HEMK2: variants seen among roughly 807,000 people sequenced by gnomAD.
HEMK2 encodes HemK methyltransferase 2, ETF1 glutamine and histone H4 lysine.
the HEMK2 span, among the ~76,000 whole-genome samples, chr21:28,726,051 T>C: frequency 6.6e-6 from 1 of 152,186 alleles, no homozygotes; most frequent in African/African-American, 2.4e-5. Context: ...TAAAGTCATA[T>C]TTCCATTCCA....
chr21:28,633,137 G>A, the HEMK2 span, among the ~76,000 whole-genome samples: 1 of 152,152 alleles, frequency 6.6e-6, no homozygotes, highest in Non-Finnish European at 1.5e-5. Flanking sequence ...CACTATAGAA[G>A]GAGTACTTGC....
the HEMK2 span, among the ~76,000 whole-genome samples, chr21:28,647,321 TAAAAAAAAAAAA>T: frequency 6.5e-5 from 3 of 46,442 alleles, no homozygotes; most frequent in Admixed American, 3.0e-4. Flanking sequence ...CCATCTCTAC[TAAAAAAAAAAAA>T]AAAAAAAAAA....
the HEMK2 span, among the ~76,000 whole-genome samples, chr21:28,656,679 G>A: frequency 1.3e-5 from 2 of 151,916 alleles, no homozygotes; most frequent in African/African-American, 2.4e-5. Flanking sequence ...TCATTTACAC[G>A]ACCAAAGACA....
chr21:28,613,663 C>T, the HEMK2 span, among the ~76,000 whole-genome samples: 1 of 109,810 alleles, frequency 9.1e-6, no homozygotes, highest in Non-Finnish European at 1.7e-5. Context: ...TAACCAAAAC[C>T]AGGACCTATC....
At chr21:28,578,203 A>T in the HEMK2 span, among the ~76,000 whole-genome samples, 21 of 152,288 alleles carry the variant, frequency 1.4e-4, no homozygotes, top group African/African-American at 5.1e-4. Flanking sequence ...TTACATATAA[A>T]TTTTTTTCTA....
the HEMK2 span, among the ~76,000 whole-genome samples, chr21:28,725,837 T>C: frequency 6.6e-6 from 1 of 152,252 alleles, no homozygotes; most frequent in Non-Finnish European, 1.5e-5. Context: ...TAGGTTGACA[T>C]CTATAGGCTT....
At chr21:28,845,869 T>A in the HEMK2 span, among the ~76,000 whole-genome samples, 1 of 151,732 alleles carries the variant, frequency 6.6e-6, no homozygotes. Context: ...GTCATGGGGG[T>A]TTCATGTATA....
At chr21:28,764,447 C>T in the HEMK2 span, among the ~76,000 whole-genome samples, 1 of 151,988 alleles carries the variant, frequency 6.6e-6, no homozygotes, top group African/African-American at 2.4e-5. Flanking sequence ...AAGAACGCCC[C>T]TTATAATAAA....
chr21:28,666,338 T>G, the HEMK2 span, among the ~76,000 whole-genome samples: 3 of 152,230 alleles, frequency 2.0e-5, no homozygotes, highest in Non-Finnish European at 4.4e-5. Flanking sequence ...CCCTTTGCAG[T>G]ATACATTTAA....
chr21:28,671,633 A>G, the HEMK2 span, among the ~76,000 whole-genome samples: 1 of 152,196 alleles, frequency 6.6e-6, no homozygotes, highest in Non-Finnish European at 1.5e-5. Flanking sequence ...CCTGGTGTTT[A>G]TAACGTGTTT....
At chr21:28,788,047 T>C in the HEMK2 span, among the ~76,000 whole-genome samples, 1 of 151,666 alleles carries the variant, frequency 6.6e-6, no homozygotes, top group African/African-American at 2.4e-5. Context: ...AAGGCCATAG[T>C]CACCAAAATA....
At chr21:28,694,223 T>C in the HEMK2 span, among the ~76,000 whole-genome samples, 110 of 152,330 alleles carry the variant, frequency 7.2e-4, no homozygotes, top group Non-Finnish European at 1.4e-3. Context: ...CTTGTTTCTT[T>C]TAATGGTTAC....
chr21:28,809,102 CATA>C, the HEMK2 span, among the ~76,000 whole-genome samples: 1 of 152,062 alleles, frequency 6.6e-6, no homozygotes, highest in South Asian at 2.1e-4. Flanking sequence ...ACATATTCAT[CATA>C]ATTTCAAATA....
At chr21:28,716,540 C>T in the HEMK2 span, among the ~76,000 whole-genome samples, 1 of 152,150 alleles carries the variant, frequency 6.6e-6, no homozygotes, top group African/African-American at 2.4e-5. Context: ...TTGGCAGAGT[C>T]TTTAGGGCTT....
the HEMK2 span, among the ~76,000 whole-genome samples, chr21:28,587,394 A>C: frequency 6.6e-6 from 1 of 152,164 alleles, no homozygotes; most frequent in African/African-American, 2.4e-5. Context: ...TAATAGATTA[A>C]TTGGTTGGTT....
the HEMK2 span, among the ~76,000 whole-genome samples, chr21:28,674,465 C>T: frequency 6.6e-6 from 1 of 152,168 alleles, no homozygotes; most frequent in Non-Finnish European, 1.5e-5. Flanking sequence ...CAGCCCCAGT[C>T]AAAGACTCTC....
the HEMK2 span, among the ~76,000 whole-genome samples, chr21:28,847,253 A>G: frequency 6.6e-6 from 1 of 152,196 alleles, no homozygotes; most frequent in Non-Finnish European, 1.5e-5. Context: ...ATGTATAAGC[A>G]TTCCCTTTTC....
the HEMK2 span, among the ~76,000 whole-genome samples, chr21:28,863,410 T>TTTTATATA: frequency 2.8e-4 from 11 of 38,988 alleles, 1 homozygote; most frequent in South Asian, 1.8e-3. Flanking sequence ...AAACTCCCTT[T>TTTTATATA]TATATATATA....
chr21:28,850,390 A>G, the HEMK2 span, among the ~76,000 whole-genome samples: 6 of 151,934 alleles, frequency 3.9e-5, no homozygotes, highest in East Asian at 1.2e-3. Context: ...ACGCCCGGCT[A>G]ATTTTTTGTA....
Sources: allele counts gnomAD v4.1 joint callset (sites outside exome capture counted in the v4.1 genomes callset), GRCh38; gene constraint gnomAD v4.1.1; transcripts MANE v1.5; gene names NCBI Gene and HGNC (gene_info 2026-07-23, HGNC 2026-07-21).